NIBAN1: variants seen among roughly 807,000 people sequenced by gnomAD.
NIBAN1 encodes niban apoptosis regulator 1, also known as protein Niban 1.
In NIBAN1, 81 loss-of-function variants were observed where a neutral mutation model predicts 75.1. The observed-to-expected ratio is 1.08, with a 90% CI of 0.90 to 1.30. The LOEUF (loss-of-function observed/expected upper bound fraction) is 1.30. Among genes scored for constraint, NIBAN1 ranks in the 50% most tolerant of loss-of-function variants. The pLI is 0.00. For synonymous variants in NIBAN1, 436 were observed against 424.8 expected (o/e 1.03, Z -0.32); for missense variants, 1,133 against 1,128.1 (o/e 1.00, Z -0.06).
chr1:184,821,578 A>G (rs1351049532), intron 8 of NIBAN1: 1 of 152,196 alleles, frequency 6.6e-6, no homozygotes, highest in Admixed American at 6.5e-5. Flanking sequence ...ATCTTTTTCC[A>G]TCATATGTGG....
At chr1:184,798,033 C>A (rs1653924087) in intron 13 of NIBAN1, 46 bp downstream of exon 13, 10 of 1,301,154 alleles carry the variant, frequency 7.7e-6, no homozygotes, top group Non-Finnish European at 1.1e-5. Context: ...TTCAGGGATG[C>A]TCCCCTCTAT....
chr1:184,830,250 T>C (rs1178628729), intron 6 of NIBAN1, among the ~76,000 whole-genome samples: 1 of 152,238 alleles, frequency 6.6e-6, no homozygotes, highest in Non-Finnish European at 1.5e-5. Flanking sequence ...ACAAAAGCAT[T>C]TGACTACTCA....
At chr1:184,971,115 A>G (rs1196660292) in intron 1 of NIBAN1, among the ~76,000 whole-genome samples, 1 of 151,346 alleles carries the variant, frequency 6.6e-6, no homozygotes, top group Non-Finnish European at 1.5e-5. Flanking sequence ...GCAAAATCCC[A>G]TCTCTACAAA....
chr1:184,829,464 CTTTT>C (rs34475915), intron 6 of NIBAN1, among the ~76,000 whole-genome samples: 2 of 129,050 alleles, frequency 1.5e-5, no homozygotes, highest in Non-Finnish European at 1.6e-5. Flanking sequence ...TACATATATT[CTTTT>C]TTTTTTTTTT....
At chr1:184,931,309 A>G (rs1657816945) in intron 1 of NIBAN1, among the ~76,000 whole-genome samples, 1 of 151,696 alleles carries the variant, frequency 6.6e-6, no homozygotes, top group Non-Finnish European at 1.5e-5. Context: ...CCTCATTTTA[A>G]CCTCTCTATA....
At chr1:184,836,842 A>T (rs1266318948) in intron 5 of NIBAN1, among the ~76,000 whole-genome samples, 1 of 152,252 alleles carries the variant, frequency 6.6e-6, no homozygotes, top group Non-Finnish European at 1.5e-5. Flanking sequence ...CTGATTCATC[A>T]TTGTATTTTC....
intron 5 of NIBAN1, among the ~76,000 whole-genome samples, chr1:184,834,100 C>T (rs987709465): frequency 1.4e-5 from 2 of 145,802 alleles, no homozygotes; most frequent in African/African-American, 5.0e-5. Flanking sequence ...TGAGTGAGAA[C>T]ATGCAGTGTT....
chr1:184,931,821 C>G (rs566979775), intron 1 of NIBAN1, among the ~76,000 whole-genome samples: 1 of 152,172 alleles, frequency 6.6e-6, no homozygotes, highest in Non-Finnish European at 1.5e-5. Context: ...TCATGTGTAG[C>G]GCAGCACAAT....
intron 1 of NIBAN1, among the ~76,000 whole-genome samples, chr1:184,958,106 C>T (rs1464742092): frequency 6.6e-6 from 1 of 152,162 alleles, no homozygotes; most frequent in African/African-American, 2.4e-5. Context: ...GTGACTCACG[C>T]CTGTAATCCC....
At chr1:184,886,739 GGAA>G (rs1177282469) in intron 4 of NIBAN1, among the ~76,000 whole-genome samples, 1 of 152,178 alleles carries the variant, frequency 6.6e-6, no homozygotes, top group Admixed American at 6.5e-5. Context: ...GGAAAGGTAA[GGAA>G]GAAGGTCTCT....
intron 1 of NIBAN1, among the ~76,000 whole-genome samples, chr1:184,913,034 G>A (rs1657284727): frequency 6.6e-6 from 1 of 151,708 alleles, no homozygotes; most frequent in Non-Finnish European, 1.5e-5. Context: ...TAGAACCACT[G>A]GTTTAATCAG....
intron 1 of NIBAN1, among the ~76,000 whole-genome samples, chr1:184,936,453 C>A (rs930218814): frequency 1.3e-5 from 2 of 152,180 alleles, no homozygotes; most frequent in African/African-American, 4.8e-5. Flanking sequence ...CACTGCTATA[C>A]GAAATTACCA....
At chr1:184,829,669 T>C (rs1344120429) in intron 6 of NIBAN1, among the ~76,000 whole-genome samples, 1 of 152,032 alleles carries the variant, frequency 6.6e-6, no homozygotes, top group Non-Finnish European at 1.5e-5. Context: ...GGTTTCACTG[T>C]GTTGGCCAGG....
intron 1 of NIBAN1, among the ~76,000 whole-genome samples, chr1:184,964,932 T>C (rs1173386261): frequency 6.6e-6 from 1 of 152,220 alleles, no homozygotes; most frequent in East Asian, 1.9e-4. Flanking sequence ...TTAATGGGTC[T>C]CAGCTATAAG....
intron 1 of NIBAN1, among the ~76,000 whole-genome samples, chr1:184,974,067 C>G (rs1571617438): frequency 6.6e-6 from 1 of 152,132 alleles, no homozygotes; most frequent in Admixed American, 6.5e-5. Flanking sequence ...GCCGGCGTCC[C>G]CACCCGCATC....
At chr1:184,818,967 A>C in intron 8 of NIBAN1, 142 bp from the exon 9 acceptor site, 1 of 846,848 alleles carries the variant, frequency 1.2e-6, no homozygotes, top group African/African-American at 1.7e-5. Context: ...AGACTAGCAC[A>C]ATGAGCCTGG....
chr1:184,934,430 A>G (rs1330138426), intron 1 of NIBAN1, among the ~76,000 whole-genome samples: 1 of 152,226 alleles, frequency 6.6e-6, no homozygotes, highest in Non-Finnish European at 1.5e-5. Flanking sequence ...GCAATATACC[A>G]TGTAACAAAC....
intron 1 of NIBAN1, among the ~76,000 whole-genome samples, chr1:184,950,236 T>C (rs1299595133): frequency 6.6e-6 from 1 of 152,194 alleles, no homozygotes; most frequent in Non-Finnish European, 1.5e-5. Flanking sequence ...ATCTTAACGA[T>C]GAACAAGGAA....
intron 1 of NIBAN1, among the ~76,000 whole-genome samples, chr1:184,944,628 T>C (rs1330394860): frequency 2.0e-5 from 3 of 152,194 alleles, no homozygotes; most frequent in Non-Finnish European, 2.9e-5. Flanking sequence ...AAACTTAGTA[T>C]AGGACAGTAA....
Sources: gnomAD v4.1 joint callset for allele counts (sites outside exome capture counted in the v4.1 genomes callset) on GRCh38, gnomAD v4.1.1 for gene constraint, MANE v1.5 for transcripts, NCBI Gene and HGNC (gene_info 2026-07-23, HGNC 2026-07-21) for gene names.